The following CDC73 variants were observed in gnomAD, a reference collection of about 807,000 sequenced individuals.
The protein encoded by CDC73 is parafibromin.
A neutral mutation model predicts 83.7 loss-of-function variants in CDC73; 21 were observed. The observed-to-expected ratio is 0.25, with a 90% CI of 0.18 to 0.36. The LOEUF (loss-of-function observed/expected upper bound fraction) is 0.36. Among genes scored for constraint, CDC73 ranks in the 10% least tolerant of loss-of-function variants. The probability of loss-of-function intolerance (pLI) is 1.00; values close to 1 mark genes in which losing one functional copy is unlikely to be tolerated. For missense variants in CDC73, 342 were observed against 653.3 expected (o/e 0.52, Z 5.19); for synonymous variants, 224 against 212.9 (o/e 1.05, Z -0.45).
chr1:193,225,511 TA>T (rs1677552535), intron 13 of CDC73, among the ~76,000 whole-genome samples: 1 of 152,126 alleles, frequency 6.6e-6, no homozygotes, highest in South Asian at 2.1e-4. Context: ...TGTACTAGTT[TA>T]CATTCCCACT....
rs372659107 is a variant in CDC73, at chr1:193,130,692, C to G, written c.307+449C>G. Among the ~76,000 whole-genome samples the G allele has an allele frequency of 6.6e-5, 10 of 152,300 alleles. 1 individual carries two copies. Among genetic ancestry groups the G allele is most frequent in the African/African-American group, 2.4e-4 (10 of 41,578 alleles). On this transcript the variant is annotated intron_variant, in intron 3 of 16. Coordinates refer to ENST00000367435, the MANE Select transcript of CDC73 (RefSeq NM_024529.5). Reference sequence around the variant, plus strand: ...CATTGCTTCTTTTTTACCTTTGTTTCTTTCTTGAAGCCACTCTAGTCTGGC... The same window carrying G: ...CATTGCTTCTTTTTTACCTTTGTTTGTTTCTTGAAGCCACTCTAGTCTGGC...
rs886045733 is a variant in CDC73 at position 193,253,798 on chromosome 1, C to T, written c.*3086C>T. On this transcript the variant is annotated 3_prime_UTR_variant, in exon 17 of 17. Transcript: ENST00000367435. ...TGGCATACTTTTAAATTGGTCTACA[C>T]AGAAAAGTAAAAGTAAACTATTCAT... 3.1e-5 allele frequency: 7 copies of T among 229,480 alleles called. No individual in the cohort carries two copies. The allele number at this position is 229,480 out of a possible 1,614,324, so 14.2% of individuals were successfully genotyped here.
At chr1:193,232,296 A>G (rs951299721) in intron 13 of CDC73, among the ~76,000 whole-genome samples, 2 of 152,194 alleles carry the variant, frequency 1.3e-5, no homozygotes, top group African/African-American at 4.8e-5. Context: ...GAAGCCTACT[A>G]GCCACAACAA....
chr1:193,167,482 A>G lies in CDC73; in HGVS notation c.972+15038A>G, dbSNP rs571495531. On this transcript the variant is annotated intron_variant, in intron 10 of 16. Transcript: ENST00000367435. ...GATTGACAATTGATGTTGCTACACC[A>G]TGACCTCAACTCATTAAGCAGTAGT... 2.6e-5 allele frequency among the ~76,000 whole-genome samples: 4 copies of G among 152,258 alleles called. No individual in the cohort carries two copies. In the South Asian group the frequency reaches 8.3e-4, roughly 32 times the overall value.
At chr1:193,134,962 G>A (rs1034457621) in intron 3 of CDC73, among the ~76,000 whole-genome samples, 14 of 151,946 alleles carry the variant, frequency 9.2e-5, no homozygotes, top group Admixed American at 9.2e-4. Context: ...AAATAATTTA[G>A]TTTTTTACCA....
intron 11 of CDC73, among the ~76,000 whole-genome samples, chr1:193,207,000 CGGG>C (rs1173852382): frequency 6.6e-6 from 1 of 152,088 alleles, no homozygotes; most frequent in Non-Finnish European, 1.5e-5. Flanking sequence ...TTGAAAGTAT[CGGG>C]GGAACCAGCC....
chr1:193,125,883 A>G (rs1277958268), intron 2 of CDC73, among the ~76,000 whole-genome samples: 2 of 152,056 alleles, frequency 1.3e-5, no homozygotes, highest in African/African-American at 4.8e-5. Context: ...AAATTAGGTG[A>G]CTGTGTGACT....
chr1:193,249,762 C>T lies in CDC73; in HGVS notation c.1450C>T (p.Arg484Cys), dbSNP rs1225502334. 1 of 1,609,112 alleles carries T rather than the reference C, an allele frequency of 6.2e-7. No individual in the cohort carries two copies. The highest frequency in any genetic ancestry group is 8.5e-7 in the Non-Finnish European group (1 of 1,175,892). Residue 484 changes from arginine (R) to cysteine (C), a missense_variant, in exon 16 of 17, where the codon CGT (arginine) becomes TGT (cysteine). This residue lies in a region of CDC73 where 239 missense variants were observed against 420.6 expected (regional missense o/e 0.57). Coordinates refer to ENST00000367435, the MANE Select transcript of CDC73 (RefSeq NM_024529.5). Reference sequence around the variant, plus strand: ...CTTCCATCTGAAGTATGATGAAGTTCGTCTGGATCCAAATGTTCAGAAATG... The same window carrying T: ...CTTCCATCTGAAGTATGATGAAGTTTGTCTGGATCCAAATGTTCAGAAATG... ...KAFHLKYDEV[R>C]LDPNVQKWDV...
At chr1:193,244,774 T>G (rs762566492) in intron 15 of CDC73, among the ~76,000 whole-genome samples, 23 of 152,144 alleles carry the variant, frequency 1.5e-4, no homozygotes, top group Non-Finnish European at 1.2e-4. Flanking sequence ...TAAATACTAT[T>G]GACAAAAACC....
chr1:193,211,156 C>T (rs1456884651), intron 11 of CDC73, among the ~76,000 whole-genome samples: 2 of 152,104 alleles, frequency 1.3e-5, no homozygotes, highest in African/African-American at 4.8e-5. Flanking sequence ...GCATACATTC[C>T]AAGACCCCCC....
In CDC73 at chr1:193,141,533, T is replaced by C. The variant is rs532586527; in HGVS notation, c.513-317T>C. On this transcript the variant is annotated intron_variant, in intron 6 of 16. Transcript: ENST00000367435. Reference sequence around the variant, plus strand: ...TGTGTGTGTGTTTAATTTCCATAGATACAGAAAATATAAAGAAAAGCACCT... The same window carrying C: ...TGTGTGTGTGTTTAATTTCCATAGACACAGAAAATATAAAGAAAAGCACCT... 1.6e-3 allele frequency among the ~76,000 whole-genome samples: 241 copies of C among 152,244 alleles called. 1 individual carries two copies. The highest frequency in any genetic ancestry group is 5.2e-3 in the African/African-American group (218 of 41,546).
At chr1:193,211,263 C>T (rs559852032) in intron 11 of CDC73, among the ~76,000 whole-genome samples, 35 of 152,172 alleles carry the variant, frequency 2.3e-4, no homozygotes, top group Admixed American at 5.2e-4. Flanking sequence ...ATGCCTTTTC[C>T]ATCTTAACAC....
intron 10 of CDC73, among the ~76,000 whole-genome samples, chr1:193,166,263 G>A (rs1319985034): frequency 6.6e-6 from 1 of 151,944 alleles, no homozygotes; most frequent in Non-Finnish European, 1.5e-5. Flanking sequence ...TATTTCCTGG[G>A]CTCAATCACT....
At chr1:193,246,827 A>C (rs1677962628) in intron 15 of CDC73, among the ~76,000 whole-genome samples, 1 of 152,162 alleles carries the variant, frequency 6.6e-6, no homozygotes, top group Admixed American at 6.5e-5. Context: ...TGCAAGCCTA[A>C]CATTTTTCTG....
At chr1:193,235,420 A>G (rs184560829) in intron 14 of CDC73, among the ~76,000 whole-genome samples, 1 of 152,314 alleles carries the variant, frequency 6.6e-6, no homozygotes, top group African/African-American at 2.4e-5. Flanking sequence ...AGTCCTTAAA[A>G]TGGCACTTGA....
chr1:193,184,947 G>A (rs1392960315), intron 10 of CDC73, among the ~76,000 whole-genome samples: 1 of 151,918 alleles, frequency 6.6e-6, no homozygotes, highest in African/African-American at 2.4e-5. Context: ...CAGGATCTTT[G>A]ATAGATTTGT....
intron 10 of CDC73, among the ~76,000 whole-genome samples, chr1:193,181,872 A>G (rs1404044300): frequency 6.6e-6 from 1 of 152,176 alleles, no homozygotes; most frequent in Non-Finnish European, 1.5e-5. Flanking sequence ...ATACCTTTGT[A>G]GCACAGTGAG....
chr1:193,122,147 C>G lies in CDC73; in HGVS notation c.-54C>G, dbSNP rs1193121996. ...GCGAGGCGACAAGAGAAGAAGGAGG[C>G]AGGCGCGGCGGCAGCGGCGGCGCCC... On this transcript the variant is annotated 5_prime_UTR_variant, in exon 1 of 17. Coordinates refer to ENST00000367435, the MANE Select transcript of CDC73 (RefSeq NM_024529.5). 6.4e-7 allele frequency: 1 copy of G among 1,573,626 alleles called. No individual in the cohort carries two copies. The highest frequency in any genetic ancestry group is 1.7e-4 in the Middle Eastern group (1 of 5,940).
chr1:193,187,050 T>C (rs932594500), intron 10 of CDC73, among the ~76,000 whole-genome samples: 55 of 139,072 alleles, frequency 4.0e-4, no homozygotes, highest in African/African-American at 1.3e-3. Flanking sequence ...TTTACTAATA[T>C]GTAGTTAAGA....
Sources: gnomAD v4.1 joint callset for allele counts (sites outside exome capture counted in the v4.1 genomes callset) on GRCh38, gnomAD v4.1.1 for gene constraint, gnomAD v4.1.1 regional missense constraint, MANE v1.5 for transcripts, NCBI Gene and HGNC (gene_info 2026-07-23, HGNC 2026-07-21) for gene names.